The following RGPD3 variants were observed in gnomAD, a reference collection of about 807,000 sequenced individuals.
RGPD3 encodes the protein ranBP2-like and GRIP domain-containing protein 3.
In RGPD3, 62 loss-of-function variants were observed where a neutral mutation model predicts 154.5. That is an observed-to-expected ratio of 0.40 (90% CI 0.33 to 0.50). RGPD3 has a LOEUF of 0.50. Among genes scored for constraint, RGPD3 ranks in the 20% least tolerant of loss-of-function variants. The pLI, the probability that RGPD3 is intolerant of heterozygous loss-of-function variation, is 0.59. For synonymous variants in RGPD3, 308 were observed against 607.0 expected (o/e 0.51, Z 7.24); for missense variants, 919 against 1,716.8 (o/e 0.54, Z 8.21).
chr2:106,444,795 C>G (rs1677856736), intron 7 of RGPD3, among the ~76,000 whole-genome samples: 1 of 150,256 alleles, frequency 6.7e-6, no homozygotes, highest in Non-Finnish European at 1.5e-5. Flanking sequence ...TGCCACTGCA[C>G]TCCAGCCACA....
chr2:106,462,206 A>G (rs1383498475), intron 1 of RGPD3, among the ~76,000 whole-genome samples: 2 of 151,992 alleles, frequency 1.3e-5, no homozygotes, highest in East Asian at 3.9e-4. Flanking sequence ...AAATGAAGAA[A>G]TAGATTCAAG....
At chr2:106,451,499 C>G (rs1456370508) in intron 6 of RGPD3, among the ~76,000 whole-genome samples, 1 of 150,718 alleles carries the variant, frequency 6.6e-6, no homozygotes, top group African/African-American at 2.5e-5. Flanking sequence ...GCTGCAACCA[C>G]TCAACTCCAA....
rs771661485 is a variant in RGPD3 at position 106,468,201 on chromosome 2, T to C, written c.72+16A>G. The C allele has an allele frequency of 2.5e-6, 4 of 1,600,164 alleles. No individual in the cohort carries two copies. The highest frequency in any genetic ancestry group is 3.4e-6 in the Non-Finnish European group (4 of 1,174,514). On this transcript the variant is annotated intron_variant, in intron 1 of 22. Coordinates refer to ENST00000409886, the MANE Select transcript of RGPD3 (RefSeq NM_001144013.2). The stretch of plus-strand genomic sequence containing the variant: ...CGGCCAGGTCGAGGCCGTCGGTCTC[T>C]TCCAGACCCACTCACCTTTCGAGGC...
At position 106,457,037 on chromosome 2, in the gene RGPD3, T is replaced by C. The variant is rs531779267; in HGVS notation, c.339A>G (p.Arg113=). The part of the protein sequence containing the change: ...LLCKNDVTDG[R]AEYWVERAAK... ...CTGCTCTTTCCACCCAGTATTCTGC[T>C]CTTCCATCAGTAACATCATTTTTAC... is the stretch of plus-strand genomic sequence containing the variant. Residue 113 remains arginine, a synonymous_variant, in exon 4 of 23, where the codon AGA becomes AGG. Transcript: ENST00000409886. 1 of 1,611,582 alleles carries C rather than the reference T, an allele frequency of 6.2e-7. No individual in the cohort carries two copies. Among genetic ancestry groups the C allele is most frequent in the South Asian group, 1.1e-5 (1 of 90,972 alleles).
intron 6 of RGPD3, among the ~76,000 whole-genome samples, chr2:106,450,705 CAAAAAAAAAAAAAA>C (rs768839840): frequency 5.1e-4 from 22 of 43,244 alleles, no homozygotes; most frequent in Middle Eastern, 0.023. Flanking sequence ...GACTCTGTCT[CAAAAAAAAAAAAAA>C]AAAAAAAAAA....
At chr2:106,467,757 C>G (rs1349036899) in intron 1 of RGPD3, among the ~76,000 whole-genome samples, 2 of 140,332 alleles carry the variant, frequency 1.4e-5, no homozygotes, top group East Asian at 2.1e-4. Context: ...CAGCGCCCGT[C>G]GGGAGCCATG....
chr2:106,449,064 G>A (rs980764497), intron 6 of RGPD3, among the ~76,000 whole-genome samples: 24 of 151,488 alleles, frequency 1.6e-4, no homozygotes, highest in African/African-American at 5.8e-4. Flanking sequence ...TGAGAATCTA[G>A]CTATGTTCTA....
chr2:106,428,693 GA>G (rs1677274140), intron 18 of RGPD3, among the ~76,000 whole-genome samples: 2 of 151,218 alleles, frequency 1.3e-5, no homozygotes, highest in Non-Finnish European at 2.9e-5. Context: ...AAGAGAGAGA[GA>G]GAAAAAAAAG....
intron 9 of RGPD3, 129 bp downstream of exon 9, chr2:106,438,839 T>TC (rs1415214704): frequency 1.0e-5 from 1 of 100,202 alleles, no homozygotes; most frequent in African/African-American, 4.3e-5. Flanking sequence ...ACATTCAAAC[T>TC]CCCCCCAGCC....
chr2:106,444,821 A>G (rs1414815201), intron 7 of RGPD3, among the ~76,000 whole-genome samples: 2 of 147,882 alleles, frequency 1.4e-5, no homozygotes, highest in Non-Finnish European at 3.0e-5. Context: ...TCCCAAAACT[A>G]CATATCAAAA....
intron 1 of RGPD3, among the ~76,000 whole-genome samples, chr2:106,466,996 C>T (rs1368028597): frequency 1.6e-5 from 2 of 126,272 alleles, no homozygotes; most frequent in African/African-American, 5.4e-5. Context: ...AGGCTGCCGC[C>T]GCCTGGCCAG....
At chr2:106,462,438 T>C (rs1678431899) in intron 1 of RGPD3, among the ~76,000 whole-genome samples, 2 of 150,916 alleles carry the variant, frequency 1.3e-5, no homozygotes, top group Non-Finnish European at 2.9e-5. Flanking sequence ...GCCCATGTTA[T>C]GTAAACAGGA....
At chr2:106,449,081 G>C (rs930674692) in intron 6 of RGPD3, among the ~76,000 whole-genome samples, 1 of 151,598 alleles carries the variant, frequency 6.6e-6, no homozygotes, top group African/African-American at 2.4e-5. Context: ...TCTATTAAGC[G>C]AGACATTAAA....
At position 106,423,857 on chromosome 2, in the gene RGPD3, A is replaced by G. The variant is rs1208712418; in HGVS notation, c.4110T>C (p.Asp1370=). The part of the protein sequence containing the change: ...HRAEFYRYDK[D]VGQWKERGIG... ...TGCCCCTTTCTTTCCATTGACCAAC[A>G]TCTTTATCATATCTGTAGAATTCTG... Residue 1370 remains aspartate (D), a synonymous_variant, in exon 20 of 23, where the codon GAT becomes GAC. Coordinates refer to ENST00000409886, the MANE Select transcript of RGPD3 (RefSeq NM_001144013.2). The G allele has an allele frequency of 1.9e-6, 3 of 1,611,850 alleles. No homozygotes were observed. The Admixed American group carries it at 5.0e-5, about 27-fold the overall frequency.
At chr2:106,467,814 C>A (rs74180279) in intron 1 of RGPD3, among the ~76,000 whole-genome samples, 14,324 of 128,094 alleles carry the variant, frequency 0.11, 786 homozygotes, top group Non-Finnish European at 0.14. Flanking sequence ...GAGGCCGCGG[C>A]CTCAACAGAG....
At chr2:106,449,632 C>T (rs1299685271) in intron 6 of RGPD3, among the ~76,000 whole-genome samples, 1 of 152,030 alleles carries the variant, frequency 6.6e-6, no homozygotes, top group Non-Finnish European at 1.5e-5. Flanking sequence ...AATCCCAGCA[C>T]TTTGGAAGGC....
intron 20 of RGPD3, among the ~76,000 whole-genome samples, chr2:106,420,821 G>C (rs1343162004): frequency 2.0e-5 from 3 of 152,236 alleles, no homozygotes; most frequent in Non-Finnish European, 2.9e-5. Context: ...GTCACCCAGA[G>C]CTGGAGTGCA....
Position 106,405,239 on chromosome 2 carries a change from G to C in RGPD3, c.5267-10C>G. On this transcript the variant is annotated splice_polypyrimidine_tract_variant and intron_variant, in intron 22 of 22. Coordinates refer to ENST00000409886, the MANE Select transcript of RGPD3 (RefSeq NM_001144013.2). ...GCATTTTATTCCTCACCTTTGGAAA[G>C]TAAAACAAAAAAAAAGAAAAAAGAG... The C allele has an allele frequency of 6.2e-7, 1 of 1,601,664 alleles. No homozygotes were observed. Among genetic ancestry groups the C allele is most frequent in the Non-Finnish European group, 8.5e-7 (1 of 1,176,736 alleles).
At chr2:106,409,724 T>C (rs1480871929) in intron 22 of RGPD3, among the ~76,000 whole-genome samples, 1 of 151,578 alleles carries the variant, frequency 6.6e-6, no homozygotes, top group East Asian at 1.9e-4. Flanking sequence ...CCAGCCATTC[T>C]CTTCATATAT....
Sources: allele counts gnomAD v4.1 joint callset (sites outside exome capture counted in the v4.1 genomes callset), GRCh38; gene constraint gnomAD v4.1.1; transcripts MANE v1.5; gene names NCBI Gene and HGNC (gene_info 2026-07-23, HGNC 2026-07-21).